Variants in PCDH15 observed in about 807,000 individuals in gnomAD.
PCDH15 encodes the protein protocadherin-15.
A neutral mutation model predicts 178.5 loss-of-function variants in PCDH15; 129 were observed. The ratio of observed to expected loss-of-function variants is 0.72; its 90% confidence interval spans 0.63 to 0.84. PCDH15 has a LOEUF of 0.84. PCDH15 is among the 40% of genes least tolerant of loss of function. The probability of loss-of-function intolerance (pLI) is 0.00; values close to 1 mark genes in which losing one functional copy is unlikely to be tolerated. For synonymous variants in PCDH15, 800 were observed against 732.0 expected, an observed-to-expected ratio of 1.09 and a Z score of -1.50; for missense variants, 2,230 against 2,099.9, an observed-to-expected ratio of 1.06 and a Z score of -1.21.
chr10:55,334,209 A>G (rs1323050668), intron 2 of PCDH15, among the ~76,000 whole-genome samples: 1 of 86,254 alleles, frequency 1.2e-5, no homozygotes. Context: ...GATGTTCATA[A>G]CTAGGGTGCT....
chr10:54,239,071 C>T (rs2134419248), intron 8 of PCDH15, among the ~76,000 whole-genome samples: 1 of 152,102 alleles, frequency 6.6e-6, no homozygotes, highest in East Asian at 1.9e-4. Flanking sequence ...TAAGTAATTT[C>T]TTATCTAGAA....
In PCDH15 at chr10:55,547,582, A is replaced by G. The variant is rs182996821; in HGVS notation, c.-156+80043T>C. ...GTTTTCAATTCTGTATGGCTAAAGT[A>G]AAAAAAACAAACAAAAAAACATTAA... On this transcript the variant is annotated intron_variant, in intron 2 of 5. Coordinates refer to the PCDH15 transcript ENST00000613346. Among the ~76,000 whole-genome samples the G allele has an allele frequency of 3.8e-3, 486 of 126,588 alleles. 2 individuals are homozygous for G. The highest frequency in any genetic ancestry group is 6.3e-3 in the Non-Finnish European group (373 of 59,376). 83.0% of individuals were successfully genotyped at this position (126,588 alleles called of 152,430 possible).
intron 1 of PCDH15, among the ~76,000 whole-genome samples, chr10:54,797,272 C>A (rs1564491009): frequency 6.6e-6 from 1 of 151,992 alleles, no homozygotes; most frequent in Non-Finnish European, 1.5e-5. Flanking sequence ...AATAAACAAG[C>A]TTTGAACTTT....
rs139927880 is a variant in PCDH15, at chr10:54,187,497, G to A, written c.1306-2229C>T. ...AGGTTTTGTTTGTCAAATGCTTTTC[G>A]TTTGAAGATAATGCACACATCAATA... On this transcript the variant is annotated intron_variant, in intron 11 of 37. Transcript: ENST00000644397. Among the ~76,000 whole-genome samples the A allele has an allele frequency of 2.7e-4, 41 of 151,892 alleles. 1 individual carries two copies. Among genetic ancestry groups the A allele is most frequent in the Non-Finnish European group, 3.8e-4 (26 of 67,782 alleles).
chr10:55,209,544 G>A (rs1840503134), intron 1 of PCDH15, among the ~76,000 whole-genome samples: 1 of 151,882 alleles, frequency 6.6e-6, no homozygotes, highest in African/African-American at 2.4e-5. Context: ...ATGGAGGGGT[G>A]GGATAAAAAC....
chr10:53,948,034 A>G (rs186964356), intron 23 of PCDH15, among the ~76,000 whole-genome samples: 1 of 152,296 alleles, frequency 6.6e-6, no homozygotes, highest in African/African-American at 2.4e-5. Context: ...TAAACTTACT[A>G]AAGTACAGAA....
At chr10:55,126,886 G>A (rs1837913804) in intron 2 of PCDH15, among the ~76,000 whole-genome samples, 1 of 135,748 alleles carries the variant, frequency 7.4e-6, no homozygotes, top group Non-Finnish European at 1.6e-5. Context: ...ATACAAAAAG[G>A]AGACATTTTT....
chr10:53,986,715 A>C (rs2091127883), intron 21 of PCDH15, among the ~76,000 whole-genome samples: 2 of 152,234 alleles, frequency 1.3e-5, no homozygotes, highest in Admixed American at 6.5e-5. Flanking sequence ...TAAGTGAACT[A>C]AGCCAGTCAT....
At chr10:54,595,274 A>G (rs2092163307) in intron 2 of PCDH15, among the ~76,000 whole-genome samples, 1 of 152,204 alleles carries the variant, frequency 6.6e-6, no homozygotes, top group Non-Finnish European at 1.5e-5. Context: ...CTTGATCCAC[A>G]GGTAATAGCT....
intron 2 of PCDH15, among the ~76,000 whole-genome samples, chr10:55,622,190 T>TATATATATTATATATATATATAAATA (rs1564488674): frequency 1.4e-5 from 2 of 143,122 alleles, no homozygotes; most frequent in African/African-American, 2.6e-5. Flanking sequence ...TATATACATT[T>TATATATATTATATATATATATAAATA]TATGTAGACA....
chr10:55,276,949 T>G (rs1304530108), intron 1 of PCDH15, among the ~76,000 whole-genome samples: 8 of 152,044 alleles, frequency 5.3e-5, no homozygotes, highest in Non-Finnish European at 7.4e-5. Flanking sequence ...TTTGAAAGAA[T>G]TCTCAGTATG....
intron 21 of PCDH15, among the ~76,000 whole-genome samples, chr10:53,981,327 C>T (rs939589638): frequency 6.6e-6 from 1 of 152,148 alleles, no homozygotes; most frequent in African/African-American, 2.4e-5. Context: ...TTAATTACTA[C>T]AGAAGGTAAT....
In PCDH15 at chr10:54,641,272, C is replaced by A. The variant is rs1390491182; in HGVS notation, c.91+22900G>T. 3.3e-5 allele frequency among the ~76,000 whole-genome samples: 5 copies of A among 152,090 alleles called. No homozygotes were observed. In the East Asian group the frequency reaches 9.6e-4, roughly 29 times the overall value. On this transcript the variant is annotated intron_variant, in intron 2 of 37. Transcript: ENST00000644397. ...CAAGAAATGCACAAAATAATCACTTCTATAAATGCTTATCTTGACCACAAT... is the reference window on the plus strand; with the variant it reads ...CAAGAAATGCACAAAATAATCACTTATATAAATGCTTATCTTGACCACAAT...
At chr10:53,970,182 C>CAA (rs1007179671) in intron 21 of PCDH15, among the ~76,000 whole-genome samples, 140 of 144,874 alleles carry the variant, frequency 9.7e-4, no homozygotes, top group African/African-American at 3.2e-3. Flanking sequence ...AAATGGAAAG[C>CAA]AAAAAAAAAA....
At chr10:53,920,396 A>G (rs2083899262) in intron 25 of PCDH15, among the ~76,000 whole-genome samples, 2 of 152,078 alleles carry the variant, frequency 1.3e-5, no homozygotes, top group African/African-American at 4.8e-5. Context: ...AAGTGTATGT[A>G]TAGATACTAT....
At chr10:55,066,217 C>CA (rs2132005708) in intron 2 of PCDH15, among the ~76,000 whole-genome samples, 1 of 150,402 alleles carries the variant, frequency 6.6e-6, no homozygotes, top group South Asian at 2.1e-4. Context: ...CTGTTTCTTT[C>CA]ACCAGGATAA....
intron 8 of PCDH15, among the ~76,000 whole-genome samples, chr10:54,301,569 T>C (rs2060151300): frequency 6.6e-6 from 1 of 152,216 alleles, no homozygotes; most frequent in Non-Finnish European, 1.5e-5. Flanking sequence ...CCACAGAATA[T>C]CTTAAAAGGA....
At chr10:55,452,042 TA>T (rs1839447182) in intron 2 of PCDH15, among the ~76,000 whole-genome samples, 1 of 152,210 alleles carries the variant, frequency 6.6e-6, no homozygotes, top group African/African-American at 2.4e-5. Context: ...ATTAGTGTCT[TA>T]AAAATGTTGT....
intron 37 of PCDH15, among the ~76,000 whole-genome samples, chr10:53,807,442 A>C (rs932862830): frequency 1.3e-5 from 2 of 152,300 alleles, no homozygotes; most frequent in African/African-American, 4.8e-5. Context: ...CTTTTATTTA[A>C]GGAGCTGATC....
Sources: allele counts gnomAD v4.1 joint callset (sites outside exome capture counted in the v4.1 genomes callset), GRCh38; gene constraint gnomAD v4.1.1; transcripts MANE v1.5; gene names NCBI Gene and HGNC (gene_info 2026-07-23, HGNC 2026-07-21).